The following PIGN variants were observed in gnomAD, a reference collection of about 807,000 sequenced individuals.
PIGN encodes the protein GPI ethanolamine phosphate transferase 1.
PIGN carries 117 observed loss-of-function variants against 125.4 expected under a neutral mutation model. The observed-to-expected ratio is 0.93, with a 90% CI of 0.80 to 1.09. The LOEUF (loss-of-function observed/expected upper bound fraction) is 1.09, where lower values mean the gene tolerates loss of function less well. Among genes scored for constraint, PIGN ranks in the 50% least tolerant of loss-of-function variants. PIGN has a pLI of 0.00. For synonymous variants in PIGN, 392 were observed against 377.8 expected, an observed-to-expected ratio of 1.04 and a Z score of -0.44; for missense variants, 1,075 against 1,094.9, an observed-to-expected ratio of 0.98 and a Z score of 0.26.
At chr18:62,131,266 CAAAT>C (rs1157938438) in intron 14 of PIGN, among the ~76,000 whole-genome samples, 2 of 152,042 alleles carry the variant, frequency 1.3e-5, no homozygotes, top group Non-Finnish European at 2.9e-5. Context: ...AAAAAAGTAA[CAAAT>C]ATTTTTGCTT....
chr18:62,107,177 A>T (rs2034680220), intron 17 of PIGN, 92 bp from the exon 18 acceptor site: 2 of 772,576 alleles, frequency 2.6e-6, no homozygotes, highest in Admixed American at 4.5e-5. Flanking sequence ...ACACTACATA[A>T]TTTTCCATTT....
chr18:62,070,294 G>A (rs567307943), intron 30 of PIGN: 8 of 395,890 alleles, frequency 2.0e-5, no homozygotes, highest in African/African-American at 1.2e-4. Context: ...GAGAGGGCTG[G>A]GAAGCAGAAG....
chr18:62,114,560 C>T lies in PIGN; in HGVS notation c.1251+1G>A, dbSNP rs1462805697. ...TATGTCTATAAGGCCGGTATACTTA[C>T]CACTTCATCAAACTTTCTGTGTTTT... On this transcript the variant is annotated splice_donor_variant, in intron 15 of 30. Coordinates refer to ENST00000640252, the MANE Select transcript of PIGN (RefSeq NM_176787.5). LOFTEE classifies it high-confidence loss of function. 25 of 1,495,258 alleles carry T rather than the reference C, an allele frequency of 1.7e-5. No individual in the cohort carries two copies. The highest frequency in any genetic ancestry group is 2.3e-5 in the Non-Finnish European group (25 of 1,095,600). The allele number at this position is 1,495,258 out of a possible 1,614,324, so 92.6% of individuals were successfully genotyped here.
At chr18:62,069,220 C>A (rs1433592460) in intron 30 of PIGN, among the ~76,000 whole-genome samples, 1 of 151,806 alleles carries the variant, frequency 6.6e-6, no homozygotes, top group African/African-American at 2.4e-5. Flanking sequence ...TAAAGATAAA[C>A]CTCAAGCTAA....
intron 14 of PIGN, among the ~76,000 whole-genome samples, chr18:62,130,142 G>C (rs149143096): frequency 2.6e-5 from 4 of 152,134 alleles, no homozygotes; most frequent in African/African-American, 9.7e-5. Context: ...AGGGAGCATG[G>C]TTCTGGTGAC....
chr18:62,085,285 G>T, intron 25 of PIGN, 21 bp from the exon 26 acceptor site: 2 of 1,509,150 alleles, frequency 1.3e-6, no homozygotes, highest in South Asian at 2.4e-5. Flanking sequence ...TCAAGGAAAT[G>T]GCAAAACAAC....
In PIGN at chr18:62,139,317, G is replaced by C. The variant is rs547474613; in HGVS notation, c.1024-242C>G. ...TTAAATTCAGTAACACCTGGCATTG[G>C]CTGAGAGATAACTACGTGCTAGGTA... On this transcript the variant is annotated intron_variant, in intron 12 of 30. Transcript: ENST00000640252. Among the ~76,000 whole-genome samples the C allele has an allele frequency of 3.9e-5, 6 of 152,346 alleles. No homozygotes were observed. In the East Asian group the frequency reaches 1.2e-3, roughly 29 times the overall value.
At chr18:62,038,286 A>G (rs1415953995), downstream of PIGN, among the ~76,000 whole-genome samples, 1 of 148,188 alleles carries the variant, frequency 6.7e-6, no homozygotes, top group South Asian at 2.1e-4. Context: ...TAGAGAGATC[A>G]GTGAATTCAA....
chr18:62,118,884 TG>T (rs2035188041), intron 14 of PIGN, among the ~76,000 whole-genome samples: 1 of 124,088 alleles, frequency 8.1e-6, no homozygotes. Flanking sequence ...AGAAAAGAGG[TG>T]AAAAAAAAAA....
intron 30 of PIGN, among the ~76,000 whole-genome samples, chr18:62,049,917 T>C (rs199975548): frequency 0.027 from 3,970 of 148,696 alleles, 54 homozygotes; most frequent in Middle Eastern, 0.087. Context: ...TTTCTACATA[T>C]GGCTAGCCAG....
chr18:62,124,535 C>G (rs1310218630), intron 14 of PIGN, among the ~76,000 whole-genome samples: 1 of 152,178 alleles, frequency 6.6e-6, no homozygotes, highest in Admixed American at 6.5e-5. Context: ...CTTCCCACAA[C>G]TCACAGGTAC....
intron 23 of PIGN, among the ~76,000 whole-genome samples, chr18:62,094,295 C>T (rs1302805300): frequency 6.6e-6 from 1 of 152,128 alleles, no homozygotes; most frequent in Non-Finnish European, 1.5e-5. Context: ...ATCAACTACA[C>T]ATCCCTTTAA....
chr18:62,048,810 T>C (rs913417665), intron 30 of PIGN, among the ~76,000 whole-genome samples: 2 of 150,718 alleles, frequency 1.3e-5, no homozygotes, highest in Non-Finnish European at 3.0e-5. Flanking sequence ...CATTAACTCG[T>C]CATTTAGCAT....
intron 14 of PIGN, among the ~76,000 whole-genome samples, chr18:62,118,885 G>GAA (rs56320941): frequency 1.6e-4 from 22 of 136,946 alleles, no homozygotes; most frequent in Non-Finnish European, 2.8e-4. Context: ...GAAAAGAGGT[G>GAA]AAAAAAAAAA....
chr18:62,084,098 A>G (rs4941107), intron 27 of PIGN, among the ~76,000 whole-genome samples: 88,510 of 152,092 alleles, frequency 0.58, 26,535 homozygotes, highest in East Asian at 0.78. Flanking sequence ...CACCCAGCTA[A>G]TATCTGGCAC....
chr18:62,018,888 G>T (rs1306444193), intron 23 of PIGN, among the ~76,000 whole-genome samples: 2 of 152,026 alleles, frequency 1.3e-5, no homozygotes, highest in Non-Finnish European at 1.5e-5. Context: ...ACAGCCCAGA[G>T]GTGTCAAAGG....
chr18:62,108,367 G>T (rs1568183452), intron 17 of PIGN, among the ~76,000 whole-genome samples: 1 of 151,722 alleles, frequency 6.6e-6, no homozygotes, highest in Non-Finnish European at 1.5e-5. Context: ...ATTCAGGAGG[G>T]GTTCTGTACT....
At chr18:62,148,653 T>C (rs2147320953) in intron 7 of PIGN, among the ~76,000 whole-genome samples, 1 of 152,270 alleles carries the variant, frequency 6.6e-6, no homozygotes, top group Admixed American at 6.5e-5. Flanking sequence ...ATTGAAGACA[T>C]ATTTTGGCAA....
At chr18:62,168,903 T>C (rs1452054530) in intron 1 of PIGN, among the ~76,000 whole-genome samples, 1 of 147,950 alleles carries the variant, frequency 6.8e-6, no homozygotes, top group Non-Finnish European at 1.5e-5. Flanking sequence ...TTACCCAGGC[T>C]GGAGTGCAGT....
Sources: gnomAD v4.1 joint callset for allele counts (sites outside exome capture counted in the v4.1 genomes callset) on GRCh38, gnomAD v4.1.1 for gene constraint, MANE v1.5 for transcripts, NCBI Gene and HGNC (gene_info 2026-07-23, HGNC 2026-07-21) for gene names.